Variants in SLC25A12 observed in about 807,000 individuals in gnomAD.
SLC25A12 encodes solute carrier family 25 member 12.
A neutral mutation model predicts 83.3 loss-of-function variants in SLC25A12; 32 were observed. The ratio of observed to expected loss-of-function variants is 0.38; its 90% CI spans 0.29 to 0.52. The LOEUF (loss-of-function observed/expected upper bound fraction) is 0.52. SLC25A12 is among the 20% of genes least tolerant of loss of function. SLC25A12 has a pLI of 0.84. For missense variants in SLC25A12, 611 were observed against 835.6 expected, an observed-to-expected ratio of 0.73 and a Z score of 3.31; for synonymous variants, 267 against 291.1, an observed-to-expected ratio of 0.92 and a Z score of 0.84.
intron 2 of SLC25A12, among the ~76,000 whole-genome samples, chr2:171,882,164 T>C (rs116576294): frequency 1.1e-3 from 167 of 152,288 alleles, no homozygotes; most frequent in African/African-American, 3.9e-3. Context: ...TTATATGCTA[T>C]ACATAAACAG....
In SLC25A12 at chr2:171,861,516, C is replaced by A. The variant is rs1314009666; in HGVS notation, c.210-5567G>T. ...AGAACTCCTGGGTTCAAGTGATCCT[C>A]CTGTCTCAGCCTCCTGAGTAGCTGG... On this transcript the variant is annotated intron_variant, in intron 3 of 17. Transcript: ENST00000422440. Among the ~76,000 whole-genome samples the A allele has an allele frequency of 1.3e-5, 2 of 152,194 alleles. 1 individual carries two copies. The highest frequency in any genetic ancestry group is 1.3e-4 in the Admixed American group (2 of 15,286).
At chr2:171,891,025 G>A (rs781214060) in intron 2 of SLC25A12, among the ~76,000 whole-genome samples, 4 of 152,132 alleles carry the variant, frequency 2.6e-5, no homozygotes, top group Non-Finnish European at 5.9e-5. Context: ...TCAAAGAATC[G>A]GCCAGGCATG....
chr2:171,842,815 G>A (rs567708826), intron 5 of SLC25A12, among the ~76,000 whole-genome samples: 1 of 152,098 alleles, frequency 6.6e-6, no homozygotes, highest in Non-Finnish European at 1.5e-5. Flanking sequence ...ACTCAATTGT[G>A]CACTTTTATT....
intron 5 of SLC25A12, among the ~76,000 whole-genome samples, chr2:171,840,247 T>C (rs1280369302): frequency 6.6e-6 from 1 of 151,932 alleles, no homozygotes; most frequent in Non-Finnish European, 1.5e-5. Flanking sequence ...TAGGCAGGCA[T>C]GGTGGCACAC....
At chr2:171,869,862 G>A (rs1573997346) in intron 2 of SLC25A12, among the ~76,000 whole-genome samples, 1 of 152,190 alleles carries the variant, frequency 6.6e-6, no homozygotes, top group African/African-American at 2.4e-5. Context: ...TCGTTAAATT[G>A]CAGAACATCC....
intron 2 of SLC25A12, 116 bp from the exon 3 acceptor site, chr2:171,868,939 A>G: frequency 1.1e-6 from 1 of 925,446 alleles, no homozygotes; most frequent in South Asian, 1.5e-5. Flanking sequence ...AATAAAGATA[A>G]TAAATGCAGA....
intron 4 of SLC25A12, among the ~76,000 whole-genome samples, chr2:171,850,942 C>T (rs1283287862): frequency 6.6e-6 from 1 of 152,192 alleles, no homozygotes; most frequent in Non-Finnish European, 1.5e-5. Context: ...ACAAATGGAA[C>T]ACATTTTTAT....
intron 9 of SLC25A12, among the ~76,000 whole-genome samples, chr2:171,824,228 C>A (rs952304557): frequency 2.6e-5 from 4 of 152,134 alleles, no homozygotes; most frequent in Admixed American, 1.3e-4. Flanking sequence ...TGAAGACAGG[C>A]AAATCATCTT....
In SLC25A12 at chr2:171,785,086, C is replaced by T; in HGVS notation, c.*188G>A. The stretch of plus-strand genomic sequence containing the variant: ...CAACACATAAGACTAAAGCTTGAAA[C>T]AGCGTTGTGGTTTTTTCCCTGGGCA... On this transcript the variant is annotated 3_prime_UTR_variant, in exon 18 of 18. Coordinates refer to ENST00000422440, the MANE Select transcript of SLC25A12 (RefSeq NM_003705.5). The T allele has an allele frequency of 1.7e-6, 1 of 600,948 alleles. No individual in the cohort carries two copies. Among genetic ancestry groups the T allele is most frequent in the South Asian group, 1.8e-5 (1 of 54,082 alleles). The allele number at this position is 600,948 out of a possible 1,614,324, so 37.2% of individuals were successfully genotyped here. A position where few individuals can be genotyped will look rare whatever the true frequency, so the allele number is the denominator to read the frequency against.
At chr2:171,888,445 T>C (rs1420623554) in intron 2 of SLC25A12, among the ~76,000 whole-genome samples, 1 of 151,534 alleles carries the variant, frequency 6.6e-6, no homozygotes, top group East Asian at 1.9e-4. Context: ...TTTTTTTAAT[T>C]ATTATTTTTT....
chr2:171,884,772 T>C (rs2105930566), intron 2 of SLC25A12, among the ~76,000 whole-genome samples: 1 of 148,444 alleles, frequency 6.7e-6, no homozygotes. Flanking sequence ...CAAAACTCTG[T>C]CCCCCACCAA....
chr2:171,873,537 T>C (rs1221037658), intron 2 of SLC25A12, among the ~76,000 whole-genome samples: 3 of 152,212 alleles, frequency 2.0e-5, no homozygotes, highest in Non-Finnish European at 4.4e-5. Flanking sequence ...TGGGTACTTT[T>C]ACCTATTGCT....
intron 9 of SLC25A12, among the ~76,000 whole-genome samples, chr2:171,821,535 T>C (rs1182468204): frequency 6.6e-6 from 1 of 152,212 alleles, no homozygotes; most frequent in Admixed American, 6.5e-5. Context: ...ATCTGGATAG[T>C]ATAAAATAGC....
chr2:171,787,933 A>G lies in SLC25A12; in HGVS notation c.1600T>C (p.Ser534Pro). The G allele has an allele frequency of 6.2e-7, 1 of 1,614,264 alleles. No individual in the cohort carries two copies. Among genetic ancestry groups the G allele is most frequent in the Non-Finnish European group, 8.5e-7 (1 of 1,180,054 alleles). ...ATGACATCAGCAGGGGTCACCAGAGATGCAGCTGGGACACCTTTCAGGAGA... is the reference window on the plus strand; with the variant it reads ...ATGACATCAGCAGGGGTCACCAGAGGTGCAGCTGGGACACCTTTCAGGAGA... ...AGAMAGVPAA[S>P]LVTPADVIKT... Residue 534 changes from serine to proline, a missense_variant, in exon 16 of 18, where the codon TCT becomes CCT. This residue lies in a region of SLC25A12 where 540 missense variants were observed against 777.5 expected (regional missense o/e 0.69). Coordinates refer to ENST00000422440, the MANE Select transcript of SLC25A12 (RefSeq NM_003705.5).
chr2:171,803,260 TAC>T (rs1319782807), intron 13 of SLC25A12, among the ~76,000 whole-genome samples: 1 of 151,970 alleles, frequency 6.6e-6, no homozygotes, highest in African/African-American at 2.4e-5. Flanking sequence ...AAAAAAGGCA[TAC>T]ATCTTTCATG....
intron 13 of SLC25A12, among the ~76,000 whole-genome samples, chr2:171,794,371 CA>C (rs2105840879): frequency 6.6e-6 from 1 of 152,260 alleles, no homozygotes; most frequent in East Asian, 1.9e-4. Flanking sequence ...TGGCTACACC[CA>C]CACAAAAGGG....
Position 171,868,829 on chromosome 2 carries a change from A to T in SLC25A12, c.67-6T>A, listed in dbSNP as rs1302626614. 1.9e-6 allele frequency: 3 copies of T among 1,605,314 alleles called. No individual in the cohort carries two copies. Among genetic ancestry groups the T allele is most frequent in the African/African-American group, 2.7e-5 (2 of 74,802 alleles). ...TCAACCTCAGTACTGGCATACTAAA[A>T]AAATAAATAAATAATGCATACTGAA... On this transcript the variant is annotated splice_polypyrimidine_tract_variant and splice_region_variant and intron_variant, in intron 2 of 17. Transcript: ENST00000422440.
intron 3 of SLC25A12, among the ~76,000 whole-genome samples, chr2:171,865,166 T>C (rs1685259716): frequency 2.0e-5 from 3 of 152,134 alleles, no homozygotes; most frequent in South Asian, 4.1e-4. Flanking sequence ...AGGCACTCAA[T>C]ACCTATTGAA....
rs572447723 is a variant in SLC25A12 at position 171,846,728 on chromosome 2, C to T, written c.326-2220G>A. Among the ~76,000 whole-genome samples, 14 of 152,276 alleles carry T rather than the reference C, an allele frequency of 9.2e-5. No individual in the cohort carries two copies. In the South Asian group the frequency reaches 2.7e-3, roughly 29 times the overall value. On this transcript the variant is annotated intron_variant, in intron 4 of 17. Coordinates refer to ENST00000422440, the MANE Select transcript of SLC25A12 (RefSeq NM_003705.5). ...GGCTGAGGCAGGAGAATTGCTTGAA[C>T]TCGGGAGGCGGAGGTTGCAGTGAGC...
Sources: allele counts gnomAD v4.1 joint callset (sites outside exome capture counted in the v4.1 genomes callset), GRCh38; gene constraint gnomAD v4.1.1; regional missense constraint gnomAD v4.1.1; transcripts MANE v1.5; gene names NCBI Gene and HGNC (gene_info 2026-07-23, HGNC 2026-07-21).